The following CLASP2 variants were observed in gnomAD, a reference collection of about 807,000 sequenced individuals.
CLASP2 encodes the protein cytoplasmic linker associated protein 2.
In CLASP2, 47 loss-of-function variants were observed where a neutral mutation model predicts 194.4. The observed-to-expected ratio is 0.24, with a 90% CI of 0.19 to 0.31. The LOEUF (loss-of-function observed/expected upper bound fraction) is 0.31, where lower values mean the gene tolerates loss of function less well. Ranked by LOEUF, CLASP2 falls within the 10% of genes least tolerant of loss-of-function variation. The pLI is 1.00. For missense variants in CLASP2, 1,445 were observed against 1,823.6 expected (o/e 0.79, Z 3.78); for synonymous variants, 619 against 633.5 (o/e 0.98, Z 0.34).
chr3:33,577,398 A>C (rs1488015523), intron 23 of CLASP2: 1 of 629,590 alleles, frequency 1.6e-6, no homozygotes. Context: ...GTATTGCCAA[A>C]TAGGGCAATG....
chr3:33,499,676 AAC>A (rs982949029), intron 38 of CLASP2, among the ~76,000 whole-genome samples: 64 of 152,246 alleles, frequency 4.2e-4, no homozygotes, highest in African/African-American at 1.4e-3. Flanking sequence ...GCAGCATGAA[AAC>A]AGACTAATAT....
intron 2 of CLASP2, 28 bp from the exon 3 acceptor site, chr3:33,689,960 A>T: frequency 7.1e-7 from 1 of 1,407,880 alleles, no homozygotes; most frequent in Non-Finnish European, 9.6e-7. Context: ...GTAAAAGAGT[A>T]ATTACTTATA....
At chr3:33,677,238 T>TAAAG (rs1426043112) in intron 6 of CLASP2, among the ~76,000 whole-genome samples, 3 of 152,112 alleles carry the variant, frequency 2.0e-5, no homozygotes, top group Non-Finnish European at 4.4e-5. Flanking sequence ...CATGCTGCTA[T>TAAAG]AAAGACACAT....
chr3:33,692,794 A>G (rs996382706), intron 2 of CLASP2, among the ~76,000 whole-genome samples: 2 of 152,226 alleles, frequency 1.3e-5, no homozygotes, highest in African/African-American at 4.8e-5. Context: ...TAGGCTCTCC[A>G]TATGAATGTG....
intron 12 of CLASP2, among the ~76,000 whole-genome samples, chr3:33,613,366 C>T (rs2075546924): frequency 6.6e-6 from 1 of 152,140 alleles, no homozygotes; most frequent in Non-Finnish European, 1.5e-5. Flanking sequence ...CCACATCAAT[C>T]AGTTATTGGA....
intron 36 of CLASP2, among the ~76,000 whole-genome samples, chr3:33,513,366 C>T (rs1451933019): frequency 6.6e-6 from 1 of 151,988 alleles, no homozygotes; most frequent in Non-Finnish European, 1.5e-5. Context: ...CAGCGAAACC[C>T]CGTTTCCACA....
intron 22 of CLASP2, 98 bp downstream of exon 22, chr3:33,584,650 TAA>T: frequency 9.7e-7 from 1 of 1,027,632 alleles, no homozygotes; most frequent in Non-Finnish European, 1.3e-6. Context: ...TTCTAATTTG[TAA>T]GTCCTAATTG....
chr3:33,535,957 C>A (rs1169875188), intron 33 of CLASP2, among the ~76,000 whole-genome samples: 1 of 151,104 alleles, frequency 6.6e-6, no homozygotes, highest in East Asian at 1.9e-4. Context: ...AAAAGGCCTG[C>A]ATAACTTTTG....
Position 33,689,881 on chromosome 3 carries a change from T to C in CLASP2, c.326A>G (p.Asp109Gly). 2 of 1,600,892 alleles carry C rather than the reference T, an allele frequency of 1.2e-6. No homozygotes were observed. The highest frequency in any genetic ancestry group is 1.7e-4 in the Middle Eastern group (1 of 6,046). Residue 109 changes from aspartate (D) to glycine (G), a missense_variant, in exon 3 of 39, where the codon GAT becomes GGT. Coordinates refer to ENST00000682230, the MANE Select transcript of CLASP2 (RefSeq NM_001365631.1). Reference sequence around the variant, plus strand: ...CTTCAATATCAGAGTCTGAGCTTCATCTCGAACCTTGTCTTTGGCATCTCC... The same window carrying C: ...CTTCAATATCAGAGTCTGAGCTTCACCTCGAACCTTGTCTTTGGCATCTCC... ...RMGDAKDKVR[D>G]EAQTLILKLM...
chr3:33,551,438 T>C, intron 29 of CLASP2, 43 bp from the exon 30 acceptor site: 2 of 1,584,118 alleles, frequency 1.3e-6, no homozygotes, highest in East Asian at 2.2e-5. Flanking sequence ...AAGATGGTTA[T>C]TGTGAGACAC....
At chr3:33,514,710 G>A in intron 36 of CLASP2, 1 of 358,500 alleles carries the variant, frequency 2.8e-6, no homozygotes, top group Non-Finnish European at 5.7e-6. Context: ...ATATGAAAAA[G>A]ATACTTGCAC....
At chr3:33,593,144 C>T (rs2069234849) in intron 20 of CLASP2, among the ~76,000 whole-genome samples, 1 of 152,178 alleles carries the variant, frequency 6.6e-6, no homozygotes, top group South Asian at 2.1e-4. Context: ...CCTTTCTATT[C>T]TACCACTCTG....
chr3:33,516,843 A>G, intron 35 of CLASP2, 138 bp downstream of exon 35: 2 of 740,038 alleles, frequency 2.7e-6, no homozygotes, highest in Non-Finnish European at 4.4e-6. Flanking sequence ...AAAGTACTTC[A>G]CAGTGAAAAG....
chr3:33,652,393 A>C (rs1420858590), intron 7 of CLASP2, among the ~76,000 whole-genome samples: 1 of 152,206 alleles, frequency 6.6e-6, no homozygotes, highest in Non-Finnish European at 1.5e-5. Flanking sequence ...ATTATACCAC[A>C]GATACCTTGG....
At chr3:33,675,580 T>A (rs2088410741) in intron 6 of CLASP2, among the ~76,000 whole-genome samples, 1 of 149,768 alleles carries the variant, frequency 6.7e-6, no homozygotes, top group African/African-American at 2.4e-5. Flanking sequence ...TTGGAAGTTC[T>A]GGCCAGGGCA....
chr3:33,713,061 C>A (rs1035084145), intron 1 of CLASP2, among the ~76,000 whole-genome samples: 3 of 143,074 alleles, frequency 2.1e-5, no homozygotes, highest in African/African-American at 7.8e-5. Flanking sequence ...TCACCAGCAA[C>A]CATACACCTG....
In CLASP2 at chr3:33,580,994, T is replaced by C. The variant is rs1478165491; in HGVS notation, c.2347+827A>G. On this transcript the variant is annotated intron_variant, in intron 23 of 38. Transcript: ENST00000682230. ...TCGTGCCACTGCACTCCAGTCTGGG[T>C]GACAGAGCGAGACTCCGTCTCAAAA... Among the ~76,000 whole-genome samples, 23 of 119,898 alleles carry C rather than the reference T, an allele frequency of 1.9e-4. No homozygotes were observed. In the South Asian group the frequency reaches 5.6e-3, roughly 29 times the overall value. The allele number at this position is 119,898 out of a possible 152,430, so 78.7% of individuals were successfully genotyped here.
chr3:33,674,330 C>T (rs1559602651), intron 6 of CLASP2, among the ~76,000 whole-genome samples: 1 of 152,074 alleles, frequency 6.6e-6, no homozygotes, highest in Non-Finnish European at 1.5e-5. Flanking sequence ...GAACAACCTG[C>T]TCCTGAATGA....
At chr3:33,700,175 G>A (rs1026777661) in intron 1 of CLASP2, among the ~76,000 whole-genome samples, 3 of 152,234 alleles carry the variant, frequency 2.0e-5, no homozygotes, top group Non-Finnish European at 4.4e-5. Flanking sequence ...GCTCATGCCT[G>A]TAACCCCAGC....
Sources: gnomAD v4.1 joint callset for allele counts (sites outside exome capture counted in the v4.1 genomes callset) on GRCh38, gnomAD v4.1.1 for gene constraint, MANE v1.5 for transcripts, NCBI Gene and HGNC (gene_info 2026-07-23, HGNC 2026-07-21) for gene names.